LEMD3: variants seen among roughly 807,000 people sequenced by gnomAD.
LEMD3 encodes the protein LEM domain containing 3, also known as inner nuclear membrane protein Man1.
Under a neutral mutation model 95.2 loss-of-function variants are expected in LEMD3, and 33 were observed. The ratio of observed to expected loss-of-function variants is 0.35; its 90% CI spans 0.26 to 0.46. The LOEUF is 0.46. LEMD3 is among the 20% of genes least tolerant of loss of function. The pLI is 1.00. For synonymous variants in LEMD3, 525 were observed against 474.6 expected (o/e 1.11, Z -1.38); for missense variants, 1,210 against 1,192.8 (o/e 1.01, Z -0.21).
intron 4 of LEMD3, among the ~76,000 whole-genome samples, chr12:65,232,977 A>G (rs999659532): frequency 6.6e-6 from 1 of 152,188 alleles, no homozygotes; most frequent in African/African-American, 2.4e-5. Flanking sequence ...TGTTAATAAA[A>G]GTCTGTGTGG....
intron 4 of LEMD3, among the ~76,000 whole-genome samples, chr12:65,236,362 C>G (rs960156295): frequency 1.3e-5 from 2 of 152,050 alleles, no homozygotes; most frequent in African/African-American, 4.8e-5. Context: ...GCCAACATGG[C>G]GAAACCCCAT....
At chr12:65,213,737 TG>T (rs1565790869) in intron 2 of LEMD3, among the ~76,000 whole-genome samples, 1 of 152,240 alleles carries the variant, frequency 6.6e-6, no homozygotes, top group African/African-American at 2.4e-5. Context: ...GTCCCTCTTA[TG>T]TTTATTAAAG....
rs745933801 is a variant in LEMD3, at chr12:65,170,894, A to G, written c.1298A>G (p.Asn433Ser). Residue 433 changes from asparagine (N) to serine (S), a missense_variant, in exon 1 of 13, where the codon AAT (asparagine) becomes AGT (serine). Transcript: ENST00000308330. ...AATCACGCCAATCATACGGGCTCCA[A>G]TCATACCTACCTGAAAAACACATAC... ...RINHANHTGS[N>S]HTYLKNTYNK... The G allele has an allele frequency of 3.3e-5, 54 of 1,614,180 alleles. No individual in the cohort carries two copies. The South Asian group carries it at 4.1e-4, about 12-fold the overall frequency.
chr12:65,237,358 T>C (rs1870803486), intron 4 of LEMD3, among the ~76,000 whole-genome samples: 6 of 152,206 alleles, frequency 3.9e-5, no homozygotes, highest in Admixed American at 3.9e-4. Context: ...CAGCCTCACA[T>C]TGATATGTAG....
intron 1 of LEMD3, among the ~76,000 whole-genome samples, chr12:65,174,644 CTGTG>C: frequency 6.6e-6 from 1 of 151,080 alleles, no homozygotes; most frequent in Non-Finnish European, 1.5e-5. Flanking sequence ...AAATACATCT[CTGTG>C]TGTGTGTGTG....
chr12:65,207,182 C>A (rs141028982), intron 1 of LEMD3, among the ~76,000 whole-genome samples: 10 of 152,100 alleles, frequency 6.6e-5, no homozygotes, highest in African/African-American at 2.2e-4. Context: ...ACATAATTTC[C>A]TTTTTATTCA....
At chr12:65,175,937 C>T (rs1868705190) in intron 1 of LEMD3, among the ~76,000 whole-genome samples, 2 of 152,130 alleles carry the variant, frequency 1.3e-5, no homozygotes, top group Admixed American at 1.3e-4. Flanking sequence ...CTTGGATTTA[C>T]CTAGATTCTT....
At chr12:65,181,823 TATAAA>T (rs1371357149) in intron 1 of LEMD3, among the ~76,000 whole-genome samples, 1 of 152,122 alleles carries the variant, frequency 6.6e-6, no homozygotes, top group African/African-American at 2.4e-5. Context: ...ATGAAAATGT[TATAAA>T]ATCTGAACAT....
intron 1 of LEMD3, among the ~76,000 whole-genome samples, chr12:65,191,529 TACTG>T (rs1449873509): frequency 6.6e-6 from 1 of 152,110 alleles, no homozygotes; most frequent in African/African-American, 2.4e-5. Context: ...AAATTTAACA[TACTG>T]AATAAGGTAG....
intron 4 of LEMD3, among the ~76,000 whole-genome samples, chr12:65,225,310 TAAC>T (rs1272557147): frequency 2.6e-5 from 4 of 152,186 alleles, no homozygotes; most frequent in East Asian, 1.9e-4. Flanking sequence ...TTCGTGCATT[TAAC>T]AACAACAGAA....
At chr12:65,245,493 G>A in intron 10 of LEMD3, 176 bp from the exon 11 acceptor site, 1 of 604,798 alleles carries the variant, frequency 1.7e-6, no homozygotes, top group Non-Finnish European at 2.9e-6. Flanking sequence ...CTTCTGAATT[G>A]TAATTTTTAA....
chr12:65,170,784 G>A lies in LEMD3; in HGVS notation c.1188G>A (p.Gly396=). 2 of 1,614,122 alleles carry A rather than the reference G, an allele frequency of 1.2e-6. No homozygotes were observed. Among genetic ancestry groups the A allele is most frequent in the Non-Finnish European group, 1.7e-6 (2 of 1,180,024 alleles). ...AAACCAATAATCATATTGGCGGTGG[G>A]GCCTTCAGTGTGGACTCCCCCAGGA... is the stretch of plus-strand genomic sequence containing the variant. ...LLKTNNHIGG[G]AFSVDSPRIY... The change falls in exon 1 of 13, where the codon GGG becomes GGA. Residue 396 remains glycine, a synonymous_variant. Transcript: ENST00000308330.
intron 3 of LEMD3, among the ~76,000 whole-genome samples, chr12:65,216,583 C>T (rs1391811401): frequency 6.6e-6 from 1 of 151,218 alleles, no homozygotes; most frequent in Non-Finnish European, 1.5e-5. Context: ...TCAAGTTTAG[C>T]ACATGTAAAC....
chr12:65,176,988 G>T (rs1426994027), intron 1 of LEMD3, among the ~76,000 whole-genome samples: 3 of 152,154 alleles, frequency 2.0e-5, no homozygotes, highest in Non-Finnish European at 4.4e-5. Flanking sequence ...TCTTATTTCT[G>T]TAGAAGCCTC....
At chr12:65,245,531 T>G in intron 10 of LEMD3, 138 bp from the exon 11 acceptor site, 1 of 686,098 alleles carries the variant, frequency 1.5e-6, no homozygotes, top group South Asian at 1.7e-5. Context: ...CAACAAGCAT[T>G]TACTTAATAC....
intron 8 of LEMD3, 197 bp from the exon 9 acceptor site, chr12:65,240,712 A>G (rs1870909379): frequency 1.7e-6 from 1 of 598,092 alleles, no homozygotes; most frequent in South Asian, 2.1e-5. Flanking sequence ...GAAAAAAAAT[A>G]CAGATGTTTG....
intron 9 of LEMD3, 149 bp downstream of exon 9, chr12:65,241,236 T>C (rs1489196755): frequency 1.2e-5 from 8 of 672,706 alleles, no homozygotes; most frequent in African/African-American, 1.8e-5. Context: ...TAGCTTCTTA[T>C]GTATCCTTCC....
At chr12:65,187,471 C>T (rs1267543785) in intron 1 of LEMD3, among the ~76,000 whole-genome samples, 1 of 151,994 alleles carries the variant, frequency 6.6e-6, no homozygotes, top group East Asian at 1.9e-4. Flanking sequence ...AGTGGCAGAA[C>T]CAGATTTGAG....
intron 1 of LEMD3, among the ~76,000 whole-genome samples, chr12:65,190,743 C>T (rs536140567): frequency 2.0e-5 from 3 of 152,198 alleles, no homozygotes; most frequent in South Asian, 4.1e-4. Flanking sequence ...TTAACCTTGG[C>T]GAAATAAACT....
Sources: gnomAD v4.1 joint callset for allele counts (sites outside exome capture counted in the v4.1 genomes callset) on GRCh38, gnomAD v4.1.1 for gene constraint, MANE v1.5 for transcripts, NCBI Gene and HGNC (gene_info 2026-07-23, HGNC 2026-07-21) for gene names.